CAMSAP1: variants seen among roughly 807,000 people sequenced by gnomAD.
CAMSAP1 encodes calmodulin-regulated spectrin-associated protein 1.
CAMSAP1 carries 58 observed loss-of-function variants against 143.5 expected under a neutral mutation model. The ratio of observed to expected loss-of-function variants is 0.40; its 90% CI spans 0.33 to 0.50. CAMSAP1 has a LOEUF of 0.50. Among genes scored for constraint, CAMSAP1 ranks in the 20% least tolerant of loss-of-function variants. The pLI is 0.45. For missense variants in CAMSAP1, 1,969 were observed against 2,115.7 expected, an observed-to-expected ratio of 0.93 and a Z score of 1.36; for synonymous variants, 945 against 859.3, an observed-to-expected ratio of 1.10 and a Z score of -1.74.
At chr9:135,825,966 A>G (rs1197334084) in intron 8 of CAMSAP1, among the ~76,000 whole-genome samples, 1 of 152,190 alleles carries the variant, frequency 6.6e-6, no homozygotes, top group Non-Finnish European at 1.5e-5. Context: ...TGGGCAGAGC[A>G]GGAATGGCAC....
At position 135,818,109 on chromosome 9, in the gene CAMSAP1, A is replaced by G. The variant is rs1217645595; in HGVS notation, c.4169-30T>C. ...CAGAGACAGAAACAGACGACGGTTC[A>G]TGAACGGATTCCGACAGACAAGTAC... On this transcript the variant is annotated intron_variant, in intron 13 of 16. Coordinates refer to ENST00000389532, the MANE Select transcript of CAMSAP1 (RefSeq NM_015447.4). This position sits in a 1 kb window ranked among gnomAD's most constrained non-coding sequence, Gnocchi z 7.7. 6.2e-7 allele frequency: 1 copy of G among 1,605,708 alleles called. No homozygotes were observed. The highest frequency in any genetic ancestry group is 1.7e-5 in the Admixed American group (1 of 59,850).
intron 7 of CAMSAP1, among the ~76,000 whole-genome samples, chr9:135,844,048 G>A (rs767577128): frequency 6.6e-6 from 1 of 151,950 alleles, no homozygotes; most frequent in Admixed American, 6.6e-5. Flanking sequence ...GACAGATCGG[G>A]ACAGAAAATT....
At chr9:135,835,276 G>A (rs1441244170) in intron 7 of CAMSAP1, among the ~76,000 whole-genome samples, 2 of 152,192 alleles carry the variant, frequency 1.3e-5, no homozygotes, top group Middle Eastern at 3.4e-3. Context: ...GGAGTGTGCC[G>A]GTCAGACGGG....
rs139833839 is a variant in CAMSAP1, at chr9:135,895,975, A to G, written c.160+11025T>C. Among the ~76,000 whole-genome samples the G allele has an allele frequency of 1.4e-3, 212 of 152,322 alleles. 1 individual carries two copies. The highest frequency in any genetic ancestry group is 4.7e-3 in the African/African-American group (194 of 41,576). On this transcript the variant is annotated intron_variant, in intron 1 of 16. Coordinates refer to ENST00000389532, the MANE Select transcript of CAMSAP1 (RefSeq NM_015447.4). Reference sequence around the variant, plus strand: ...AGAAGTCAAGAGAAGAGAAACAGGAACAAGAAACAGAGGAAACAAACAGAA... The same window carrying G: ...AGAAGTCAAGAGAAGAGAAACAGGAGCAAGAAACAGAGGAAACAAACAGAA...
chr9:135,904,095 C>T (rs957543371), intron 1 of CAMSAP1, among the ~76,000 whole-genome samples: 17 of 152,170 alleles, frequency 1.1e-4, no homozygotes, highest in African/African-American at 3.6e-4. Context: ...GGTCTAAGTG[C>T]GGTGCCTCAT....
At chr9:135,871,646 C>A (rs1837574053) in intron 3 of CAMSAP1, among the ~76,000 whole-genome samples, 1 of 151,968 alleles carries the variant, frequency 6.6e-6, no homozygotes. Flanking sequence ...TTTACAAGTT[C>A]AGCAGGACAC....
At chr9:135,828,908 G>A (rs1451533204) in intron 7 of CAMSAP1, among the ~76,000 whole-genome samples, 2 of 152,042 alleles carry the variant, frequency 1.3e-5, no homozygotes, top group African/African-American at 2.4e-5. Flanking sequence ...TATTCAAAAC[G>A]CTGAAAGGAC....
intron 1 of CAMSAP1, among the ~76,000 whole-genome samples, chr9:135,905,825 T>TTTGCACCTGTTCTTTGCAC (rs1280508077): frequency 6.7e-4 from 102 of 152,220 alleles, no homozygotes; most frequent in African/African-American, 2.4e-3. Flanking sequence ...GCGTCCGCTC[T>TTTGCACCTGTTCTTTGCAC]CGGGCTGTTC....
chr9:135,888,326 C>A (rs1038582369), intron 1 of CAMSAP1, among the ~76,000 whole-genome samples: 1 of 152,198 alleles, frequency 6.6e-6, no homozygotes, highest in African/African-American at 2.4e-5. Context: ...TCGACTGCAG[C>A]CCTCCCGCGG....
intron 5 of CAMSAP1, among the ~76,000 whole-genome samples, chr9:135,855,434 T>G (rs893557817): frequency 4.6e-5 from 7 of 152,292 alleles, no homozygotes; most frequent in Admixed American, 2.0e-4. Flanking sequence ...CATGCCAAAA[T>G]TTTAAAATTT....
At chr9:135,836,810 G>A (rs571099534) in intron 7 of CAMSAP1, 10 of 967,678 alleles carry the variant, frequency 1.0e-5, no homozygotes, top group South Asian at 4.9e-5. Flanking sequence ...TTTCTACCCC[G>A]TTCTACAGAC....
chr9:135,892,460 T>C (rs915778268), intron 1 of CAMSAP1, among the ~76,000 whole-genome samples: 1 of 152,180 alleles, frequency 6.6e-6, no homozygotes, highest in African/African-American at 2.4e-5. Context: ...TCCCAGCACT[T>C]TGGAAAGCTA....
rs1410400772 is a variant in CAMSAP1, at chr9:135,811,345, C to A, written c.4773G>T (p.Arg1591=). Residue 1591 remains arginine (R), a synonymous_variant, in exon 17 of 17, where the codon CGG becomes CGT. Transcript: ENST00000389532. This position sits in a 1 kb window ranked among gnomAD's most constrained non-coding sequence, Gnocchi z 4.9. ...TIHNHLWQPK[R]PAVPKKAQTR... is the part of the protein sequence containing the mutation. ...TCTGGGCCTTCTTTGGCACTGCAGG[C>A]CGCTTGGGCTGCCACAGGTGGTTGT... 8.1e-6 allele frequency: 13 copies of A among 1,613,120 alleles called. No individual in the cohort carries two copies. Among genetic ancestry groups the A allele is most frequent in the African/African-American group, 1.3e-5 (1 of 75,056 alleles).
chr9:135,827,519 T>A lies in CAMSAP1; in HGVS notation c.1111A>T (p.Ser371Cys), dbSNP rs1451712567. Residue 371 changes from serine (S) to cysteine (C), a missense_variant, in exon 8 of 17, where the codon AGT becomes TGT. Around this residue, in one of 4 missense-constraint regions of CAMSAP1, gnomAD observed 221 missense variants for 298.2 expected, o/e 0.74. Coordinates refer to ENST00000389532, the MANE Select transcript of CAMSAP1 (RefSeq NM_015447.4). Reference sequence around the variant, plus strand: ...CCTGCAGCAGGGCTGCCTAGGAAACTGCGTTTGGTCGCGTTGGAGATCGGT... The same window carrying A: ...CCTGCAGCAGGGCTGCCTAGGAAACAGCGTTTGGTCGCGTTGGAGATCGGT... ...PVPISNATKRSFLGSPAAGTL... is the reference protein window; with the variant it reads ...PVPISNATKRCFLGSPAAGTL... 1.2e-6 allele frequency: 2 copies of A among 1,612,652 alleles called. No homozygotes were observed.
intron 3 of CAMSAP1, among the ~76,000 whole-genome samples, chr9:135,867,385 G>A (rs1387971410): frequency 2.6e-5 from 4 of 151,880 alleles, no homozygotes; most frequent in East Asian, 3.9e-4. Flanking sequence ...CAGCTCACAC[G>A]TATCATCCCA....
chr9:135,823,985 T>C lies in CAMSAP1; in HGVS notation c.1365A>G (p.Arg455=). The change falls in exon 10 of 17, where the codon CGA becomes CGG. Residue 455 remains arginine, a synonymous_variant. Coordinates refer to ENST00000389532, the MANE Select transcript of CAMSAP1 (RefSeq NM_015447.4). ...TTTCTGGCCAGGCTATTGCTGCTCCTCGAGGCTGACCATCAACTCGGGTCA... is the reference window on the plus strand; with the variant it reads ...TTTCTGGCCAGGCTATTGCTGCTCCCCGAGGCTGACCATCAACTCGGGTCA... The part of the protein sequence containing the change: ...NSLTRVDGQP[R]GAAIAWPEKK... 6.3e-7 allele frequency: 1 copy of C among 1,589,770 alleles called. No homozygotes were observed. The highest frequency in any genetic ancestry group is 8.6e-7 in the Non-Finnish European group (1 of 1,167,628).
intron 5 of CAMSAP1, among the ~76,000 whole-genome samples, chr9:135,856,472 G>A (rs1306103144): frequency 1.3e-5 from 2 of 152,140 alleles, no homozygotes; most frequent in Admixed American, 6.5e-5. Context: ...GATTTAGGTA[G>A]GGACACAGAG....
At chr9:135,815,038 C>G in intron 16 of CAMSAP1, 59 bp downstream of exon 16, 2 of 1,221,430 alleles carry the variant, frequency 1.6e-6, no homozygotes, top group Non-Finnish European at 2.4e-6. Context: ...AAAAAGAACC[C>G]TTAATTTATA....
Position 135,821,561 on chromosome 9 carries a change from G to C in CAMSAP1, c.3100C>G (p.Leu1034Val). ...GAGATTTTCAGGATGGCCTGCTGCAGCGTACTGATGGTTTCGTTAAGCTTC... is the reference window on the plus strand; with the variant it reads ...GAGATTTTCAGGATGGCCTGCTGCACCGTACTGATGGTTTCGTTAAGCTTC... ...IEKLNETIST[L>V]QQAILKISQQ... The change falls in exon 11 of 17, where the codon CTG (leucine) becomes GTG (valine). Residue 1034 changes from leucine (L) to valine (V), a missense_variant. This residue lies in a region of CAMSAP1 where 1,390 missense variants were observed against 1,420.8 expected (regional missense o/e 0.98). Transcript: ENST00000389532. This position sits in a 1 kb window ranked among gnomAD's most constrained non-coding sequence, Gnocchi z 4.6. The C allele has an allele frequency of 1.2e-6, 2 of 1,614,030 alleles. No individual in the cohort carries two copies. Among genetic ancestry groups the C allele is most frequent in the Non-Finnish European group, 1.7e-6 (2 of 1,179,892 alleles).
Sources: allele counts gnomAD v4.1 joint callset (sites outside exome capture counted in the v4.1 genomes callset), GRCh38; gene constraint gnomAD v4.1.1; regional missense constraint gnomAD v4.1.1; non-coding constraint Gnocchi (gnomAD v3.1); transcripts MANE v1.5; gene names NCBI Gene and HGNC (gene_info 2026-07-23, HGNC 2026-07-21).